The following UQCRC2 variants were observed in gnomAD, a reference collection of about 807,000 sequenced individuals.
UQCRC2 encodes the protein cytochrome b-c1 complex subunit 2, mitochondrial.
In UQCRC2, 49 loss-of-function variants were observed where a neutral mutation model predicts 55.6. The observed-to-expected ratio is 0.88, with a 90% CI of 0.70 to 1.12. The LOEUF is 1.12. UQCRC2 is among the 50% of genes most tolerant of loss of function. The pLI is 0.00. For missense variants in UQCRC2, 506 were observed against 547.8 expected (o/e 0.92, Z 0.76); for synonymous variants, 193 against 192.0 (o/e 1.01, Z -0.04).
rs775807083 is a variant in UQCRC2 at position 21,976,166 on chromosome 16, G to A, written c.1048-1G>A. 8.1e-6 allele frequency: 13 copies of A among 1,613,468 alleles called. No homozygotes were observed. Among genetic ancestry groups the A allele is most frequent in the Non-Finnish European group, 1.0e-5 (12 of 1,179,636 alleles). ...TGACCAACTTTTCTTATCTGTCCTA[G>A]GTTATCAAGGCTGCCTATAATCAAG... is the stretch of plus-strand genomic sequence containing the variant. On this transcript the variant is annotated splice_acceptor_variant, in intron 11 of 13. Coordinates refer to ENST00000268379, the MANE Select transcript of UQCRC2 (RefSeq NM_003366.4). LOFTEE classifies it high-confidence loss of function.
At chr16:21,970,166 G>A (rs1421236615) in intron 8 of UQCRC2, among the ~76,000 whole-genome samples, 1 of 152,082 alleles carries the variant, frequency 6.6e-6, no homozygotes, top group Admixed American at 6.6e-5. Context: ...TCCCTTTTAT[G>A]GCTCAAGAAT....
At chr16:21,957,613 T>G in intron 3 of UQCRC2, 47 bp downstream of exon 3, 1 of 1,588,210 alleles carries the variant, frequency 6.3e-7, no homozygotes, top group Non-Finnish European at 8.5e-7. Flanking sequence ...TGTGGTATCT[T>G]GGTCCTGTGA....
chr16:21,977,834 G>T (rs1179203240), intron 12 of UQCRC2, among the ~76,000 whole-genome samples: 2 of 152,098 alleles, frequency 1.3e-5, no homozygotes. Context: ...CATTAGTATT[G>T]TTAGTTTTGT....
At chr16:21,956,684 A>G (rs1898091770) in intron 1 of UQCRC2, among the ~76,000 whole-genome samples, 1 of 152,244 alleles carries the variant, frequency 6.6e-6, no homozygotes, top group Non-Finnish European at 1.5e-5. Flanking sequence ...TTTAAAAAAT[A>G]AGCATCAAGA....
intron 10 of UQCRC2, among the ~76,000 whole-genome samples, chr16:21,972,333 A>G (rs1400718688): frequency 6.6e-6 from 1 of 152,226 alleles, no homozygotes; most frequent in African/African-American, 2.4e-5. Context: ...CATTAGTAAT[A>G]TAAAAAGAGG....
At chr16:21,968,456 G>A in intron 7 of UQCRC2, 172 bp from the exon 8 acceptor site, 1 of 476,290 alleles carries the variant, frequency 2.1e-6, no homozygotes. Flanking sequence ...TTAAGCAATA[G>A]TTTTTATAAT....
chr16:21,953,553 G>C, intron 1 of UQCRC2, 97 bp downstream of exon 1: 2 of 1,471,042 alleles, frequency 1.4e-6, no homozygotes, highest in South Asian at 1.3e-5. Flanking sequence ...TGGGCCTTGG[G>C]ATTCGGTCTG....
Position 21,953,590 on chromosome 16 carries a change from G to GT in UQCRC2, c.33+135dup, listed in dbSNP as rs1373434284. 6 of 1,143,546 alleles carry GT rather than the reference G, an allele frequency of 5.2e-6. No homozygotes were observed. The East Asian group carries it at 1.0e-4, about 20-fold the overall frequency. The allele number at this position is 1,143,546 out of a possible 1,614,324, so 70.8% of individuals were successfully genotyped here. On this transcript the variant is annotated intron_variant, in intron 1 of 13. Coordinates refer to ENST00000268379, the MANE Select transcript of UQCRC2 (RefSeq NM_003366.4). ...CCTTCAGCTGAACCCTGCGGGCCAA[G>GT]TGGGCTGCAGACTGGGTCAGGCTTT...
intron 6 of UQCRC2, among the ~76,000 whole-genome samples, chr16:21,965,079 A>G (rs1898294179): frequency 6.6e-6 from 1 of 152,188 alleles, no homozygotes; most frequent in East Asian, 1.9e-4. Flanking sequence ...AGATGGCGGC[A>G]GAACCATAAC....
intron 1 of UQCRC2, 52 bp from the exon 2 acceptor site, chr16:21,957,183 T>C: frequency 6.4e-7 from 1 of 1,562,360 alleles, no homozygotes; most frequent in East Asian, 2.3e-5. Flanking sequence ...TGCTTTTATA[T>C]AAAGCACTGT....
At chr16:21,983,023 T>C in intron 13 of UQCRC2, 65 bp from the exon 14 acceptor site, 1 of 1,446,236 alleles carries the variant, frequency 6.9e-7, no homozygotes, top group Non-Finnish European at 9.6e-7. Context: ...ACAAAATAAG[T>C]TCGCCTGCTT....
intron 1 of UQCRC2, 136 bp downstream of exon 1, chr16:21,953,592 G>A: frequency 8.7e-7 from 1 of 1,151,688 alleles, no homozygotes; most frequent in Non-Finnish European, 1.2e-6. Context: ...CGGGCCAAGT[G>A]GGCTGCAGAC....
chr16:21,973,044 A>G (rs1428049958), intron 10 of UQCRC2, among the ~76,000 whole-genome samples: 4 of 152,202 alleles, frequency 2.6e-5, no homozygotes, highest in Non-Finnish European at 5.9e-5. Flanking sequence ...AGGATTCAGT[A>G]AGCTGAGATC....
At chr16:21,955,757 AG>A (rs934746128) in intron 1 of UQCRC2, among the ~76,000 whole-genome samples, 77 of 152,316 alleles carry the variant, frequency 5.1e-4, no homozygotes, top group African/African-American at 1.8e-3. Context: ...GTCTTAATAC[AG>A]CACACAAGAG....
Position 21,983,544 on chromosome 16 carries a change from C to A in UQCRC2, c.*373C>A. 3.7e-6 allele frequency: 1 copy of A among 271,546 alleles called. No individual in the cohort carries two copies. Among genetic ancestry groups the A allele is most frequent in the Admixed American group, 5.2e-5 (1 of 19,158 alleles). 16.8% of individuals were successfully genotyped at this position (271,546 alleles called of 1,614,324 possible). ...CTATTGGTGGCGTTTAAGATGAAAG[C>A]AAGTTCAAAATTTGTCATTTTGGGT... On this transcript the variant is annotated 3_prime_UTR_variant, in exon 14 of 14. Transcript: ENST00000268379.
intron 4 of UQCRC2, among the ~76,000 whole-genome samples, chr16:21,960,226 T>C (rs1055314586): frequency 2.0e-5 from 3 of 152,210 alleles, no homozygotes; most frequent in African/African-American, 2.4e-5. Flanking sequence ...GATGATCTTA[T>C]GTAGATCTTC....
chr16:21,954,344 G>T (rs1208822859), intron 1 of UQCRC2, among the ~76,000 whole-genome samples: 1 of 152,168 alleles, frequency 6.6e-6, no homozygotes, highest in Non-Finnish European at 1.5e-5. Flanking sequence ...AACCCCCCTA[G>T]ATGGAGATGC....
intron 1 of UQCRC2, among the ~76,000 whole-genome samples, 164 bp downstream of exon 1, chr16:21,953,620 G>T (rs1225431442): frequency 6.6e-6 from 1 of 152,168 alleles, no homozygotes; most frequent in Non-Finnish European, 1.5e-5. Context: ...GGCTTTGGAG[G>T]CCCAGCTCAT....
At chr16:21,955,972 T>C (rs1898080144) in intron 1 of UQCRC2, among the ~76,000 whole-genome samples, 1 of 152,118 alleles carries the variant, frequency 6.6e-6, no homozygotes, top group Non-Finnish European at 1.5e-5. Context: ...ATTACAGGCA[T>C]GCATCACCAC....
Sources: allele counts gnomAD v4.1 joint callset (sites outside exome capture counted in the v4.1 genomes callset), GRCh38; gene constraint gnomAD v4.1.1; transcripts MANE v1.5; gene names NCBI Gene and HGNC (gene_info 2026-07-23, HGNC 2026-07-21).